The following MICU3 variants were observed in gnomAD, a reference collection of about 807,000 sequenced individuals.
MICU3 encodes the protein mitochondrial calcium uptake 3.
In MICU3, 62 loss-of-function variants were observed where a neutral mutation model predicts 66.5. The observed-to-expected ratio is 0.93, with a 90% confidence interval of 0.76 to 1.15. The LOEUF (loss-of-function observed/expected upper bound fraction) is 1.15, where lower values mean the gene tolerates loss of function less well. Ranked by LOEUF, MICU3 falls within the 50% of genes most tolerant of loss-of-function variation. MICU3 has a pLI of 0.00. For synonymous variants in MICU3, 308 were observed against 240.7 expected, an observed-to-expected ratio of 1.28 and a Z score of -2.59; for missense variants, 779 against 664.4, an observed-to-expected ratio of 1.17 and a Z score of -1.90.
At chr8:17,062,178 A>T (rs1392498364) in intron 1 of MICU3, among the ~76,000 whole-genome samples, 1 of 152,194 alleles carries the variant, frequency 6.6e-6, no homozygotes, top group Admixed American at 6.5e-5. Flanking sequence ...CATCTTTCAA[A>T]TATGCTGTAG....
rs1585594761 is a variant in MICU3, at chr8:17,121,896, A to C, written c.*1609A>C. The stretch of plus-strand genomic sequence containing the variant: ...ATTGACTGACTAAATGAAAATGCCT[A>C]CCCACTCATATAACATACCTCAGGT... On this transcript the variant is annotated 3_prime_UTR_variant, in exon 15 of 15. Coordinates refer to ENST00000318063, the MANE Select transcript of MICU3 (RefSeq NM_181723.3). The C allele has an allele frequency of 1.3e-5, 2 of 151,760 alleles. No homozygotes were observed. The highest frequency in any genetic ancestry group is 1.3e-4 in the Admixed American group (2 of 15,244). The allele number at this position is 151,760 out of a possible 1,614,324, so 9.4% of individuals were successfully genotyped here.
At chr8:17,123,695 A>G (rs539240047), downstream of MICU3, among the ~76,000 whole-genome samples, 1 of 152,184 alleles carries the variant, frequency 6.6e-6, no homozygotes, top group Non-Finnish European at 1.5e-5. Flanking sequence ...GGGTTAGTAA[A>G]TTTATATGTC....
chr8:17,064,504 C>A (rs2285261), intron 2 of MICU3, among the ~76,000 whole-genome samples: 68,651 of 151,872 alleles, frequency 0.45, 16,067 homozygotes, highest in African/African-American at 0.57. Flanking sequence ...TATTCTGCCT[C>A]TTCATTCTTA....
At chr8:17,036,970 G>A (rs1033592831) in intron 1 of MICU3, among the ~76,000 whole-genome samples, 6 of 152,244 alleles carry the variant, frequency 3.9e-5, no homozygotes, top group African/African-American at 1.4e-4. Flanking sequence ...CCGCGGGAAG[G>A]CAGCTAAGGC....
chr8:17,044,621 T>C (rs1814754841), intron 1 of MICU3, among the ~76,000 whole-genome samples: 1 of 152,232 alleles, frequency 6.6e-6, no homozygotes, highest in Non-Finnish European at 1.5e-5. Context: ...GATCTTCATG[T>C]AGTTGTTTAG....
At chr8:17,065,987 A>G (rs907404941) in intron 2 of MICU3, among the ~76,000 whole-genome samples, 1 of 152,168 alleles carries the variant, frequency 6.6e-6, no homozygotes, top group African/African-American at 2.4e-5. Context: ...TGAAATCAAG[A>G]CAGTATATGG....
At chr8:17,060,726 G>C (rs898470566) in intron 1 of MICU3, among the ~76,000 whole-genome samples, 5 of 152,188 alleles carry the variant, frequency 3.3e-5, no homozygotes, top group African/African-American at 1.2e-4. Context: ...CAACCAGTTG[G>C]TGGTACTGGG....
At chr8:17,113,946 G>A (rs1442793853) in intron 11 of MICU3, 147 bp from the exon 12 acceptor site, 2 of 499,076 alleles carry the variant, frequency 4.0e-6, no homozygotes, top group Non-Finnish European at 7.0e-6. Flanking sequence ...CATTCCAGTT[G>A]GAGAACAACG....
rs532060298 is a variant in MICU3, at chr8:17,045,055, T to A, written c.381+17395T>A. Among the ~76,000 whole-genome samples, 64 of 152,018 alleles carry A rather than the reference T, an allele frequency of 4.2e-4. 1 individual carries two copies. The highest frequency in any genetic ancestry group is 1.5e-3 in the African/African-American group (62 of 41,466). On this transcript the variant is annotated intron_variant, in intron 1 of 14. Coordinates refer to ENST00000318063, the MANE Select transcript of MICU3 (RefSeq NM_181723.3). ...AAAAACCAGGGCTCTTTTTTTTTTT[T>A]AAAGGAAAATTGGAGAATGAATAAT...
At position 17,117,971 on chromosome 8, in the gene MICU3, A is replaced by G. The variant is rs570253131; in HGVS notation, c.1525-736A>G. Among the ~76,000 whole-genome samples the G allele has an allele frequency of 6.6e-5, 10 of 152,352 alleles. No individual in the cohort carries two copies. In the East Asian group the frequency reaches 1.9e-3, roughly 29 times the overall value. ...CAAAACCTCAAGATTCATCTGAGAC[A>G]GTATTTTTAAAGATTTTTAATGACT... On this transcript the variant is annotated intron_variant, in intron 13 of 14. Coordinates refer to ENST00000318063, the MANE Select transcript of MICU3 (RefSeq NM_181723.3).
At chr8:17,112,339 C>G (rs1310236488) in intron 11 of MICU3, among the ~76,000 whole-genome samples, 1 of 152,112 alleles carries the variant, frequency 6.6e-6, no homozygotes, top group Non-Finnish European at 1.5e-5. Flanking sequence ...CACCTTATTT[C>G]TAACAGTTAA....
chr8:17,035,921 A>G (rs1214597114), intron 1 of MICU3, among the ~76,000 whole-genome samples: 1 of 152,212 alleles, frequency 6.6e-6, no homozygotes, highest in East Asian at 1.9e-4. Context: ...AGGTCTTCAC[A>G]GCAGCCCCAC....
At chr8:17,037,765 C>T (rs987316330) in intron 1 of MICU3, among the ~76,000 whole-genome samples, 6 of 152,214 alleles carry the variant, frequency 3.9e-5, no homozygotes, top group South Asian at 2.1e-4. Context: ...TGAAAGCAGC[C>T]GGGAGTGGGG....
chr8:17,127,697 C>G, the MICU3 span, among the ~76,000 whole-genome samples: 1 of 152,164 alleles, frequency 6.6e-6, no homozygotes, highest in South Asian at 2.1e-4. Flanking sequence ...ATATTTATTG[C>G]CTTTTATTTT....
chr8:17,133,606 T>C, the MICU3 span, among the ~76,000 whole-genome samples: 1 of 152,156 alleles, frequency 6.6e-6, no homozygotes, highest in Non-Finnish European at 1.5e-5. Flanking sequence ...TTTAATAAAC[T>C]GTCATATATT....
At chr8:17,057,587 A>G (rs927934434) in intron 1 of MICU3, among the ~76,000 whole-genome samples, 1 of 152,178 alleles carries the variant, frequency 6.6e-6, no homozygotes, top group Admixed American at 6.5e-5. Context: ...GTAGAAATTA[A>G]GAATTTTTCT....
At chr8:17,045,497 A>G (rs1449210926) in intron 1 of MICU3, among the ~76,000 whole-genome samples, 1 of 152,176 alleles carries the variant, frequency 6.6e-6, no homozygotes, top group Non-Finnish European at 1.5e-5. Flanking sequence ...TGAAGTCCCC[A>G]TAAAAAGGCC....
intron 1 of MICU3, among the ~76,000 whole-genome samples, chr8:17,042,615 G>A (rs1585195961): frequency 6.6e-6 from 1 of 152,270 alleles, no homozygotes; most frequent in East Asian, 1.9e-4. Context: ...CCATAGTAGT[G>A]CTACCATAGC....
intron 1 of MICU3, among the ~76,000 whole-genome samples, chr8:17,037,619 A>G (rs1021454709): frequency 6.6e-6 from 1 of 152,202 alleles, no homozygotes; most frequent in Non-Finnish European, 1.5e-5. Flanking sequence ...CAGAGCCCAC[A>G]CACAGAGTTC....
Sources: allele counts gnomAD v4.1 joint callset (sites outside exome capture counted in the v4.1 genomes callset), GRCh38; gene constraint gnomAD v4.1.1; transcripts MANE v1.5; gene names NCBI Gene and HGNC (gene_info 2026-07-23, HGNC 2026-07-21).